Variants in LRRC9 observed in about 807,000 individuals in gnomAD.
LRRC9 encodes the protein leucine-rich repeat-containing protein 9.
In LRRC9, 122 loss-of-function variants were observed where a neutral mutation model predicts 63.2. That is an observed-to-expected ratio of 1.93 (90% CI 1.67 to 2.24). The LOEUF (loss-of-function observed/expected upper bound fraction) is 2.24, where lower values mean the gene tolerates loss of function less well. LRRC9 is among the 30% of genes most tolerant of loss of function. The pLI is 0.00. For missense variants in LRRC9, 1,071 were observed against 627.7 expected, an observed-to-expected ratio of 1.71 and a Z score of -7.55; for synonymous variants, 366 against 213.1, an observed-to-expected ratio of 1.72 and a Z score of -6.25.
At chr14:59,981,966 T>C in exon 16 of LRRC9, 2 of 702,674 alleles carry the variant, frequency 2.8e-6, no homozygotes, top group Non-Finnish European at 2.6e-6. Flanking sequence ...GTTATAAAAA[T>C]GGAGCCCAGA....
At chr14:60,011,451 T>C (rs1435436648) in intron 23 of LRRC9, among the ~76,000 whole-genome samples, 1 of 152,230 alleles carries the variant, frequency 6.6e-6, no homozygotes, top group Non-Finnish European at 1.5e-5. Context: ...TTTAATTATA[T>C]TCCTTTTCAC....
rs1467701623 is a variant in LRRC9 at position 60,028,033 on chromosome 14, C to T, written c.3853C>T (p.Arg1285Ter). 3.0e-5 allele frequency: 21 copies of T among 701,608 alleles called. No individual in the cohort carries two copies. Among genetic ancestry groups the T allele is most frequent in the South Asian group, 4.4e-5 (3 of 67,532 alleles). The allele number at this position is 701,608 out of a possible 1,614,324, so 43.5% of individuals were successfully genotyped here. Residue 1285 changes from arginine (R) to a stop codon, truncating the protein, a stop_gained, in exon 28 of 32, where the codon CGA becomes TGA. Coordinates refer to ENST00000445360, the Ensembl canonical transcript of LRRC9. LOFTEE classifies it high-confidence loss of function. ...ACTTCACTTGGAGGAAAACAGACTA[C>T]GAGAACTGGGCAAATTACAATCTTT...
At chr14:59,944,866 TCACACA>T (rs3069510) in intron 8 of LRRC9, 122 bp downstream of exon 8, 244 of 383,476 alleles carry the variant, frequency 6.4e-4, no homozygotes, top group Non-Finnish European at 9.4e-4. Flanking sequence ...ACACACACAC[TCACACA>T]CACACACACA....
In LRRC9 at chr14:59,942,118, C is replaced by T. The variant is rs1881834456; in HGVS notation, c.727-2471C>T. ...TTAACATAATGTCCTCCAGGCTCAACCATGTTGCCACAAATGACAGGATTT... is the reference window on the plus strand; with the variant it reads ...TTAACATAATGTCCTCCAGGCTCAATCATGTTGCCACAAATGACAGGATTT... On this transcript the variant is annotated intron_variant, in intron 7 of 31. Coordinates refer to ENST00000445360, the Ensembl canonical transcript of LRRC9. The surrounding 1 kb of genome is among the most constrained non-coding windows in gnomAD (Gnocchi z 5.3). Among the ~76,000 whole-genome samples, 1 of 152,146 alleles carries T rather than the reference C, an allele frequency of 6.6e-6. No individual in the cohort carries two copies. Among genetic ancestry groups the T allele is most frequent in the Admixed American group, 6.5e-5 (1 of 15,284 alleles).
Position 60,051,146 on chromosome 14 carries a change from C to T in LRRC9, c.3991-1919C>T, listed in dbSNP as rs1027599538. Reference sequence around the variant, plus strand: ...GTGAGGGACTCTTCCTAGTCCGGACCTCCTGGACTCTCCAGAGCCAGCAGG... The same window carrying T: ...GTGAGGGACTCTTCCTAGTCCGGACTTCCTGGACTCTCCAGAGCCAGCAGG... On this transcript the variant is annotated intron_variant, in intron 29 of 31. Coordinates refer to ENST00000445360, the Ensembl canonical transcript of LRRC9. This position sits in a 1 kb window ranked among gnomAD's most constrained non-coding sequence, Gnocchi z 4.7. Among the ~76,000 whole-genome samples the T allele has an allele frequency of 1.3e-5, 2 of 152,226 alleles. No homozygotes were observed. The highest frequency in any genetic ancestry group is 1.3e-4 in the Admixed American group (2 of 15,284).
intron 12 of LRRC9, among the ~76,000 whole-genome samples, chr14:59,972,204 T>C (rs998839056): frequency 4.6e-5 from 7 of 152,122 alleles, no homozygotes; most frequent in Non-Finnish European, 8.8e-5. Context: ...ACTGATCCTT[T>C]AAGTCCCAAC....
In LRRC9 at chr14:60,058,545, G is replaced by C. The variant is rs1015619498; in HGVS notation, c.4276+523G>C. Reference sequence around the variant, plus strand: ...GAGGTAGAGTTTTAAAAGAGGGAGTGTATTAAAAGAACAAGCATGGAAGTG... The same window carrying C: ...GAGGTAGAGTTTTAAAAGAGGGAGTCTATTAAAAGAACAAGCATGGAAGTG... On this transcript the variant is annotated intron_variant, in intron 31 of 31. Coordinates refer to ENST00000445360, the Ensembl canonical transcript of LRRC9. This position sits in a 1 kb window ranked among gnomAD's most constrained non-coding sequence, Gnocchi z 4.4. Among the ~76,000 whole-genome samples the C allele has an allele frequency of 2.6e-5, 4 of 152,146 alleles. No homozygotes were observed. The highest frequency in any genetic ancestry group is 5.9e-5 in the Non-Finnish European group (4 of 68,010).
rs149271207 is a variant in LRRC9 at position 59,990,574 on chromosome 14, TA to T, written c.2211+5361del. ...GTGCATGCCACCACACCCTGCTAAT[TA>T]AAAAAAAAAACAATTTTGTAGAGAT... On this transcript the variant is annotated intron_variant, in intron 17 of 31. Coordinates refer to ENST00000445360, the Ensembl canonical transcript of LRRC9. This position sits in a 1 kb window ranked among gnomAD's most constrained non-coding sequence, Gnocchi z 4.2. Among the ~76,000 whole-genome samples, 30 of 144,514 alleles carry T rather than the reference TA, an allele frequency of 2.1e-4. No homozygotes were observed. Among genetic ancestry groups the T allele is most frequent in the Admixed American group, 4.2e-4 (6 of 14,452 alleles). The allele number at this position is 144,514 out of a possible 152,430, so 94.8% of individuals were successfully genotyped here.
rs530650546 is a variant in LRRC9, at chr14:60,028,476, C to T, written c.3921+375C>T. On this transcript the variant is annotated intron_variant, in intron 28 of 31. Transcript: ENST00000445360. ...ACTTGTCATATGTACTTGTTCTACC[C>T]GGCATTTGAATCAACTCCTGATAAT... Among the ~76,000 whole-genome samples the T allele has an allele frequency of 3.9e-5, 6 of 152,126 alleles. No homozygotes were observed. The South Asian group carries it at 8.3e-4, about 21-fold the overall frequency.
At chr14:60,054,252 T>C (rs1490036987) in intron 30 of LRRC9, among the ~76,000 whole-genome samples, 1 of 152,182 alleles carries the variant, frequency 6.6e-6, no homozygotes, top group East Asian at 1.9e-4. Flanking sequence ...ATTCATATAC[T>C]TATTAAGAGC....
rs927733114 is a variant in LRRC9 at position 59,938,065 on chromosome 14, T to C, written c.544-325T>C. ...AGACCTACAGGTATCCTGGGGGCAA[T>C]TAGCAAGAGGGGCTGTGTAGGGGAA... On this transcript the variant is annotated intron_variant, in intron 6 of 31. Coordinates refer to ENST00000445360, the Ensembl canonical transcript of LRRC9. This position sits in a 1 kb window ranked among gnomAD's most constrained non-coding sequence, Gnocchi z 4.2. Among the ~76,000 whole-genome samples, 1 of 152,056 alleles carries C rather than the reference T, an allele frequency of 6.6e-6. No individual in the cohort carries two copies. The highest frequency in any genetic ancestry group is 1.5e-5 in the Non-Finnish European group (1 of 67,978).
chr14:60,053,052 T>A lies in LRRC9; in HGVS notation c.3991-13T>A. 1 of 690,580 alleles carries A rather than the reference T, an allele frequency of 1.4e-6. No individual in the cohort carries two copies. The highest frequency in any genetic ancestry group is 2.6e-6 in the Non-Finnish European group (1 of 379,052). The allele number at this position is 690,580 out of a possible 1,614,324, so 42.8% of individuals were successfully genotyped here. On this transcript the variant is annotated splice_polypyrimidine_tract_variant and intron_variant, in intron 29 of 31. Transcript: ENST00000445360. The surrounding 1 kb of genome is among the most constrained non-coding windows in gnomAD (Gnocchi z 4.8). ...TTTTGTAGGAATAAATTGTTATTTT[T>A]AACTTTATTCAGATTTGTAGAAAAA...
intron 26 of LRRC9, among the ~76,000 whole-genome samples, chr14:60,020,504 T>A (rs1195150908): frequency 1.3e-5 from 2 of 151,948 alleles, no homozygotes; most frequent in Non-Finnish European, 2.9e-5. Context: ...GTATCATGTT[T>A]ACTTATATTA....
chr14:60,044,232 A>G (rs576193171), intron 29 of LRRC9, among the ~76,000 whole-genome samples: 81 of 151,510 alleles, frequency 5.3e-4, no homozygotes, highest in South Asian at 2.7e-3. Context: ...AATTTTGTTT[A>G]TATTTTGAAA....
intron 13 of LRRC9, 42 bp from the exon 14 acceptor site, chr14:59,977,183 G>T: frequency 1.5e-6 from 1 of 646,382 alleles, no homozygotes; most frequent in Non-Finnish European, 2.7e-6. Context: ...AATTATTAAA[G>T]TTAATTATTC....
chr14:60,059,911 G>T (rs1004380789), intron 31 of LRRC9, among the ~76,000 whole-genome samples: 3 of 152,226 alleles, frequency 2.0e-5, no homozygotes, highest in African/African-American at 7.2e-5. Context: ...TTTCAATGTA[G>T]ATGCAACAGC....
At chr14:60,049,622 T>C (rs1444943866) in intron 29 of LRRC9, among the ~76,000 whole-genome samples, 1 of 152,234 alleles carries the variant, frequency 6.6e-6, no homozygotes, top group East Asian at 1.9e-4. Flanking sequence ...AAAGGTATGC[T>C]GTTAGTCTGA....
At position 60,053,014 on chromosome 14, in the gene LRRC9, T is replaced by A; in HGVS notation, c.3991-51T>A. On this transcript the variant is annotated intron_variant, in intron 29 of 31. Coordinates refer to ENST00000445360, the Ensembl canonical transcript of LRRC9. This position sits in a 1 kb window ranked among gnomAD's most constrained non-coding sequence, Gnocchi z 4.8. ...ATTTCCTTCTCTATACAGGTTAATC[T>A]TTGAAATAAAAGTTTTGTAGGAATA... The A allele has an allele frequency of 1.5e-6, 1 of 674,310 alleles. No homozygotes were observed. Among genetic ancestry groups the A allele is most frequent in the South Asian group, 1.6e-5 (1 of 61,968 alleles). 41.8% of individuals were successfully genotyped at this position (674,310 alleles called of 1,614,324 possible). A position where few individuals can be genotyped will look rare whatever the true frequency, so the allele number is the denominator to read the frequency against.
At position 59,944,549 on chromosome 14, in the gene LRRC9, G is replaced by C. The variant is rs776946923; in HGVS notation, c.727-40G>C. On this transcript the variant is annotated intron_variant, in intron 7 of 31. Coordinates refer to ENST00000445360, the Ensembl canonical transcript of LRRC9. ...TACCACTAACAATTGCCTATAATTTGTTTTAGCTAATTTTTTGTTGTTTTC... is the reference window on the plus strand; with the variant it reads ...TACCACTAACAATTGCCTATAATTTCTTTTAGCTAATTTTTTGTTGTTTTC... The C allele has an allele frequency of 1.3e-5, 7 of 536,572 alleles. No individual in the cohort carries two copies. In the East Asian group the frequency reaches 1.8e-4, roughly 14 times the overall value. The allele number at this position is 536,572 out of a possible 1,614,324, so 33.2% of individuals were successfully genotyped here.
Sources: allele counts gnomAD v4.1 joint callset (sites outside exome capture counted in the v4.1 genomes callset), GRCh38; gene constraint gnomAD v4.1.1; non-coding constraint Gnocchi (gnomAD v3.1); transcripts MANE v1.5; gene names NCBI Gene and HGNC (gene_info 2026-07-23, HGNC 2026-07-21).